KLK8: variants seen among roughly 807,000 people sequenced by gnomAD.
KLK8 encodes kallikrein related peptidase 8.
A neutral mutation model predicts 26.7 loss-of-function variants in KLK8; 18 were observed. That is an observed-to-expected ratio of 0.67 (90% CI 0.47 to 1.00). The LOEUF is 1.00. Ranked by LOEUF, KLK8 falls within the 50% of genes least tolerant of loss-of-function variation. The probability of loss-of-function intolerance (pLI) is 0.00; values close to 1 mark genes in which losing one functional copy is unlikely to be tolerated. For synonymous variants in KLK8, 137 were observed against 127.1 expected, an observed-to-expected ratio of 1.08 and a Z score of -0.52; for missense variants, 301 against 331.7, an observed-to-expected ratio of 0.91 and a Z score of 0.72.
chr19:50,996,256 C>G, intron 6 of KLK8, 42 bp from the exon 6 acceptor site: 1 of 1,597,316 alleles, frequency 6.3e-7, no homozygotes, highest in Admixed American at 1.7e-5. Flanking sequence ...CTGAGATGTC[C>G]ACAACGTCCC....
Position 51,001,190 on chromosome 19 carries a change from G to C in KLK8, c.-8-15C>G. The C allele has an allele frequency of 1.2e-6, 2 of 1,606,862 alleles. No individual in the cohort carries two copies. The highest frequency in any genetic ancestry group is 4.5e-5 in the East Asian group (2 of 44,736). On this transcript the variant is annotated splice_polypyrimidine_tract_variant and intron_variant, in intron 2 of 6. Transcript: ENST00000600767. The stretch of plus-strand genomic sequence containing the variant: ...CATGGTGAGGTCTGGGAAATGGAGA[G>C]GGCGGGGCCGGTAAACAGGAAGGAG...
chr19:50,996,232 G>T lies in KLK8; in HGVS notation c.628-18C>A, dbSNP rs1324499531. ...GAATCGCCCTAGACAGGGAGAATGA[G>T]AACAGCCTTGCATCTGAGATGTCCA... is the stretch of plus-strand genomic sequence containing the variant. On this transcript the variant is annotated intron_variant, in intron 6 of 6. Transcript: ENST00000600767. The T allele has an allele frequency of 1.2e-6, 2 of 1,611,926 alleles. No individual in the cohort carries two copies. Among genetic ancestry groups the T allele is most frequent in the African/African-American group, 2.7e-5 (2 of 74,884 alleles).
intron 6 of KLK8, among the ~76,000 whole-genome samples, chr19:50,996,505 G>A (rs1304900021): frequency 4.6e-5 from 7 of 151,968 alleles, no homozygotes; most frequent in South Asian, 2.1e-4. Context: ...AGGCCGAGGC[G>A]GTAGATCACT....
chr19:50,998,892 C>T (rs1056995902), intron 5 of KLK8: 4 of 152,182 alleles, frequency 2.6e-5, no homozygotes, highest in Non-Finnish European at 5.9e-5. Context: ...AAGTGAGGCT[C>T]AGAGATGGAA....
At chr19:51,000,237 T>C in exon 5 of KLK8, 1 of 1,593,308 alleles carries the variant, frequency 6.3e-7, no homozygotes, top group Non-Finnish European at 8.6e-7. Flanking sequence ...GGCTGTGGTC[T>C]CCCAGGCGTA....
intron 2 of KLK8, 138 bp from the exon 2 acceptor site, chr19:51,001,313 G>T: frequency 1.4e-6 from 1 of 693,470 alleles, no homozygotes; most frequent in Non-Finnish European, 2.5e-6. Flanking sequence ...GAGGCTGGGG[G>T]ACTGGATTCC....
chr19:50,999,604 A>AAAAG lies in KLK8; in HGVS notation c.493+391_493+392insCTTT, dbSNP rs1230737181. On this transcript the variant is annotated intron_variant, in intron 5 of 6. Transcript: ENST00000600767. ...CCTGCAAAAAAAAAAAAAAAAAAAA[A>AAAAG]AAAAAAAAAAAAAAAAAAAAGGAGG... is the stretch of plus-strand genomic sequence containing the variant. Among the ~76,000 whole-genome samples the AAAAG allele has an allele frequency of 1.1e-3, 137 of 120,748 alleles. 2 individuals carry two copies. The highest frequency in any genetic ancestry group is 2.0e-3 in the Non-Finnish European group (118 of 57,974). 79.2% of individuals were successfully genotyped at this position (120,748 alleles called of 152,430 possible).
chr19:50,999,958 C>A (rs10408459), intron 5 of KLK8, 38 bp downstream of exon 4: 31,067 of 1,555,560 alleles, frequency 0.02, 643 homozygotes, highest in African/African-American at 0.093. Flanking sequence ...GGCCAACCAG[C>A]TCCTCCTCTC....
At chr19:50,998,502 T>C (rs2091190354) in intron 5 of KLK8, among the ~76,000 whole-genome samples, 1 of 152,216 alleles carries the variant, frequency 6.6e-6, no homozygotes, top group African/African-American at 2.4e-5. Context: ...ACCTCAGGCA[T>C]ACTAGGTGCT....
At chr19:51,001,277 G>C in intron 2 of KLK8, 102 bp from the exon 2 acceptor site, 1 of 947,174 alleles carries the variant, frequency 1.1e-6, no homozygotes, top group Non-Finnish European at 1.6e-6. Flanking sequence ...ATCTGGGGCT[G>C]TTCTGGGCTT....
chr19:50,997,350 G>T (rs914663166), intron 6 of KLK8, among the ~76,000 whole-genome samples: 5 of 151,936 alleles, frequency 3.3e-5, no homozygotes, highest in East Asian at 3.9e-4. Flanking sequence ...AAAGAAAAGT[G>T]GCTGACCACC....
At chr19:50,997,627 G>C in intron 6 of KLK8, 124 bp downstream of exon 5, 1 of 1,146,974 alleles carries the variant, frequency 8.7e-7, no homozygotes, top group Non-Finnish European at 1.3e-6. Flanking sequence ...TAGAGATAGG[G>C]GTGAACACTC....
exon 4 of KLK8, chr19:51,000,511 G>T: frequency 6.2e-7 from 1 of 1,614,006 alleles, no homozygotes; most frequent in Non-Finnish European, 8.5e-7. Flanking sequence ...GAACAAGGCC[G>T]CCTGCCAAGG....
intron 5 of KLK8, among the ~76,000 whole-genome samples, chr19:50,999,581 TG>T (rs2091200339): frequency 8.4e-5 from 1 of 11,880 alleles, no homozygotes; most frequent in African/African-American, 3.6e-4. Flanking sequence ...TGTGTCCCCC[TG>T]CAAAAAAAAA....
At chr19:51,000,228 G>A (rs1470448976) in exon 5 of KLK8, 2 of 1,598,128 alleles carry the variant, frequency 1.3e-6, no homozygotes, top group Non-Finnish European at 1.7e-6. Context: ...TATTCTGTAG[G>A]CTGTGGTCTC....
At chr19:51,001,313 G>A (rs570656374) in intron 2 of KLK8, 138 bp from the exon 2 acceptor site, 175 of 693,470 alleles carry the variant, frequency 2.5e-4, no homozygotes, top group African/African-American at 2.4e-3. Context: ...GAGGCTGGGG[G>A]ACTGGATTCC....
intron 5 of KLK8, 82 bp downstream of exon 4, chr19:50,999,914 G>A: frequency 1.4e-6 from 2 of 1,434,290 alleles, no homozygotes; most frequent in South Asian, 1.4e-5. Flanking sequence ...TCCCTCTGGG[G>A]GACCAAGCTT....
chr19:50,996,747 A>AAAAAAAAG (rs1443889421), intron 6 of KLK8, among the ~76,000 whole-genome samples: 1 of 150,780 alleles, frequency 6.6e-6, no homozygotes. Flanking sequence ...AAAAAAAAAA[A>AAAAAAAAG]GAGTTCTCGA....
intron 5 of KLK8, among the ~76,000 whole-genome samples, chr19:50,999,659 G>GTT (rs573265580): frequency 5.9e-4 from 81 of 137,238 alleles, no homozygotes; most frequent in Admixed American, 2.6e-3. Flanking sequence ...TTAGGAGCCT[G>GTT]TTTTCCTGGG....
Sources: allele counts gnomAD v4.1 joint callset (sites outside exome capture counted in the v4.1 genomes callset), GRCh38; gene constraint gnomAD v4.1.1; transcripts MANE v1.5; gene names NCBI Gene and HGNC (gene_info 2026-07-23, HGNC 2026-07-21).